ANO3: variants seen among roughly 807,000 people sequenced by gnomAD.
The protein encoded by ANO3 is anoctamin-3.
Under a neutral mutation model 144.8 loss-of-function variants are expected in ANO3, and 99 were observed. The ratio of observed to expected loss-of-function variants is 0.68; its 90% CI spans 0.58 to 0.81. The LOEUF (loss-of-function observed/expected upper bound fraction) is 0.81. Ranked by LOEUF, ANO3 falls within the 30% of genes least tolerant of loss-of-function variation. The pLI is 0.00. For synonymous variants in ANO3, 414 were observed against 392.6 expected (o/e 1.05, Z -0.64); for missense variants, 905 against 1,202.2 (o/e 0.75, Z 3.66).
intron 4 of ANO3, among the ~76,000 whole-genome samples, chr11:26,484,915 G>A (rs1468218053): frequency 6.6e-6 from 1 of 152,164 alleles, no homozygotes; most frequent in East Asian, 1.9e-4. Flanking sequence ...CTGCCCTCCT[G>A]GGTTTTGGGC....
chr11:26,224,622 TC>T (rs2133795868), intron 1 of ANO3, among the ~76,000 whole-genome samples: 1 of 152,320 alleles, frequency 6.6e-6, no homozygotes, highest in East Asian at 1.9e-4. Context: ...GTATGTAGGA[TC>T]CAGAGGGTCC....
intron 6 of ANO3, among the ~76,000 whole-genome samples, chr11:26,521,490 T>G (rs886374261): frequency 4.6e-5 from 7 of 152,184 alleles, no homozygotes; most frequent in Admixed American, 2.6e-4. Flanking sequence ...ATGTGTAAAA[T>G]TTTAATTTGC....
At chr11:26,381,574 ACCAGT>A (rs1167154946) in intron 1 of ANO3, among the ~76,000 whole-genome samples, 19 of 152,346 alleles carry the variant, frequency 1.2e-4, no homozygotes, top group Admixed American at 2.6e-4. Context: ...GAATGTAAAT[ACCAGT>A]CTTGTTTACT....
At chr11:26,483,861 C>T (rs903859588) in intron 4 of ANO3, among the ~76,000 whole-genome samples, 2 of 152,100 alleles carry the variant, frequency 1.3e-5, no homozygotes, top group African/African-American at 4.8e-5. Flanking sequence ...ATACTTGTTA[C>T]GTTGTTGTGA....
intron 4 of ANO3, among the ~76,000 whole-genome samples, chr11:26,481,392 C>G (rs376821437): frequency 1.3e-5 from 2 of 152,148 alleles, no homozygotes; most frequent in East Asian, 1.9e-4. Flanking sequence ...ATCTTACAAT[C>G]TATCCTCATT....
intron 1 of ANO3, among the ~76,000 whole-genome samples, chr11:26,314,504 A>G (rs892539787): frequency 1.2e-4 from 19 of 152,140 alleles, no homozygotes; most frequent in Admixed American, 1.1e-3. Flanking sequence ...GTGGCCAAAA[A>G]TGGATTGGCG....
intron 4 of ANO3, among the ~76,000 whole-genome samples, chr11:26,502,957 C>T (rs1028127975): frequency 2.0e-5 from 3 of 151,932 alleles, no homozygotes; most frequent in Non-Finnish European, 2.9e-5. Flanking sequence ...GGGCAAATCT[C>T]TACCACTATT....
At chr11:26,537,554 C>A in intron 10 of ANO3, 93 bp downstream of exon 10, 1 of 1,095,428 alleles carries the variant, frequency 9.1e-7, no homozygotes, top group Non-Finnish European at 1.4e-6. Flanking sequence ...CTGTCCACTC[C>A]CAGGAGGATT....
chr11:26,461,922 G>T (rs1340192607), intron 3 of ANO3, among the ~76,000 whole-genome samples: 1 of 151,950 alleles, frequency 6.6e-6, no homozygotes, highest in East Asian at 1.9e-4. Context: ...GTTAGGTATG[G>T]TTAATAGGTC....
intron 1 of ANO3, among the ~76,000 whole-genome samples, chr11:26,342,471 C>G (rs1855389825): frequency 7.1e-6 from 1 of 141,210 alleles, no homozygotes; most frequent in African/African-American, 2.4e-5. Context: ...AAGGCCATAC[C>G]ATTTGTCCCT....
intron 3 of ANO3, among the ~76,000 whole-genome samples, chr11:26,458,762 A>G (rs1175162170): frequency 2.6e-5 from 4 of 152,138 alleles, no homozygotes; most frequent in Non-Finnish European, 5.9e-5. Context: ...GCGATGAACA[A>G]AACAGTCACT....
chr11:26,370,728 A>G (rs1366267930), intron 1 of ANO3, among the ~76,000 whole-genome samples: 3 of 152,156 alleles, frequency 2.0e-5, no homozygotes, highest in Non-Finnish European at 1.5e-5. Flanking sequence ...TCTCAGATGG[A>G]GATAAGGCAC....
chr11:26,322,517 T>C (rs930485447), intron 1 of ANO3, among the ~76,000 whole-genome samples: 1 of 152,138 alleles, frequency 6.6e-6, no homozygotes, highest in Non-Finnish European at 1.5e-5. Context: ...TTTCTCAGAC[T>C]TTCCTGCTTT....
At chr11:26,326,436 C>CT (rs747503073) in intron 1 of ANO3, among the ~76,000 whole-genome samples, 1 of 152,128 alleles carries the variant, frequency 6.6e-6, no homozygotes, top group African/African-American at 2.4e-5. Context: ...TATGCACGTA[C>CT]TTTTTTGCCA....
At chr11:26,276,142 T>G (rs557457289) in intron 1 of ANO3, among the ~76,000 whole-genome samples, 59 of 152,282 alleles carry the variant, frequency 3.9e-4, no homozygotes, top group Middle Eastern at 6.8e-3. Context: ...CTTTGGAGCC[T>G]GGCCCAAGTT....
intron 1 of ANO3, among the ~76,000 whole-genome samples, chr11:26,199,816 G>A (rs1308106986): frequency 6.6e-6 from 1 of 152,116 alleles, no homozygotes; most frequent in Non-Finnish European, 1.5e-5. Flanking sequence ...TGGAAACAGT[G>A]GCCATGTTTT....
chr11:26,283,566 A>G (rs1853733640), intron 1 of ANO3, among the ~76,000 whole-genome samples: 1 of 151,936 alleles, frequency 6.6e-6, no homozygotes, highest in Non-Finnish European at 1.5e-5. Context: ...CTAATAGAGC[A>G]CATACTTTGC....
In ANO3 at chr11:26,516,889, C is replaced by A; in HGVS notation, c.654C>A (p.Cys218Ter). The A allele has an allele frequency of 6.2e-7, 1 of 1,611,286 alleles. No individual in the cohort carries two copies. The highest frequency in any genetic ancestry group is 1.1e-5 in the South Asian group (1 of 90,812). The stretch of plus-strand genomic sequence containing the variant: ...TTCACATTCCATGGGACACGCTGTG[C>A]AAGTATGCAGAGAGGCTGAATATCA... ...IKIHIPWDTL[C>*]KYAERLNIRM... Residue 218 changes from cysteine to a stop codon, truncating the protein, a stop_gained, in exon 6 of 27, where the codon TGC (cysteine) becomes TGA (stop). Transcript: ENST00000256737. LOFTEE classifies it high-confidence loss of function.
intron 4 of ANO3, among the ~76,000 whole-genome samples, chr11:26,489,443 G>C (rs190433696): frequency 6.6e-6 from 1 of 152,224 alleles, no homozygotes; most frequent in Non-Finnish European, 1.5e-5. Context: ...GGGAAATGTG[G>C]GGTTGGAGCT....
Sources: gnomAD v4.1 joint callset for allele counts (sites outside exome capture counted in the v4.1 genomes callset) on GRCh38, gnomAD v4.1.1 for gene constraint, MANE v1.5 for transcripts, NCBI Gene and HGNC (gene_info 2026-07-23, HGNC 2026-07-21) for gene names.